The following CREB5 variants were observed in gnomAD, a reference collection of about 807,000 sequenced individuals.
CREB5 encodes the protein cAMP responsive element binding protein 5.
A neutral mutation model predicts 57.1 loss-of-function variants in CREB5; 19 were observed. The observed-to-expected ratio is 0.33, with a 90% confidence interval of 0.23 to 0.49. The LOEUF is 0.49. CREB5 is among the 20% of genes least tolerant of loss of function. The pLI, the probability that CREB5 is intolerant of heterozygous loss-of-function variation, is 0.99. For missense variants in CREB5, 579 were observed against 671.6 expected (o/e 0.86, Z 1.52); for synonymous variants, 238 against 238.3 (o/e 1.00, Z 0.01).
At chr7:28,342,943 C>T (rs899174576) in intron 1 of CREB5, among the ~76,000 whole-genome samples, 1 of 147,284 alleles carries the variant, frequency 6.8e-6, no homozygotes, top group Non-Finnish European at 1.5e-5. Flanking sequence ...ATATGTAATA[C>T]TTTTTTTTTT....
chr7:28,315,101 T>C (rs1444416931), intron 1 of CREB5, among the ~76,000 whole-genome samples: 1 of 152,148 alleles, frequency 6.6e-6, no homozygotes, highest in Admixed American at 6.5e-5. Flanking sequence ...TCCCAGCCTA[T>C]ACAAGGTATG....
At chr7:28,455,611 G>T (rs1464970960) in intron 1 of CREB5, among the ~76,000 whole-genome samples, 1 of 152,164 alleles carries the variant, frequency 6.6e-6, no homozygotes, top group African/African-American at 2.4e-5. Context: ...CAAAGCTGCA[G>T]AGTGGAGCAC....
At chr7:28,300,562 A>G (rs1785082961) in intron 1 of CREB5, among the ~76,000 whole-genome samples, 1 of 152,190 alleles carries the variant, frequency 6.6e-6, no homozygotes, top group African/African-American at 2.4e-5. Flanking sequence ...AGGAGTTTTC[A>G]TACTAGCAGT....
At chr7:28,556,426 G>A (rs1794881007) in intron 4 of CREB5, among the ~76,000 whole-genome samples, 1 of 152,128 alleles carries the variant, frequency 6.6e-6, no homozygotes, top group Non-Finnish European at 1.5e-5. Flanking sequence ...GGCACACCAT[G>A]GGATGGGTGC....
At chr7:28,705,946 A>G (rs1445134203) in intron 5 of CREB5, among the ~76,000 whole-genome samples, 2 of 152,232 alleles carry the variant, frequency 1.3e-5, no homozygotes, top group Admixed American at 6.5e-5. Context: ...TTGTACTTAT[A>G]AATACCCTGA....
At chr7:28,343,108 T>G (rs527238964) in intron 1 of CREB5, among the ~76,000 whole-genome samples, 1 of 152,164 alleles carries the variant, frequency 6.6e-6, no homozygotes, top group African/African-American at 2.4e-5. Flanking sequence ...GCCCAGCTAA[T>G]TTTTTATATT....
intron 5 of CREB5, chr7:28,615,013 C>T (rs766101497): frequency 6.6e-6 from 1 of 152,214 alleles, no homozygotes; most frequent in South Asian, 2.1e-4. Context: ...AAACACCCTT[C>T]GAATTTCCTT....
chr7:28,647,925 T>C (rs1001056039), intron 5 of CREB5, among the ~76,000 whole-genome samples: 1 of 151,854 alleles, frequency 6.6e-6, no homozygotes, highest in African/African-American at 2.4e-5. Flanking sequence ...CTACAAAAAA[T>C]AAAAATAAGA....
intron 1 of CREB5, among the ~76,000 whole-genome samples, chr7:28,351,164 C>A (rs1434805186): frequency 2.6e-5 from 4 of 152,152 alleles, no homozygotes; most frequent in Non-Finnish European, 4.4e-5. Context: ...AGAGCTGAAC[C>A]TATGGAAGAG....
At chr7:28,378,268 T>A (rs1358550171) in intron 1 of CREB5, among the ~76,000 whole-genome samples, 1 of 150,488 alleles carries the variant, frequency 6.6e-6, no homozygotes, top group African/African-American at 2.4e-5. Flanking sequence ...TAGATTGTAT[T>A]GCGGCTACAG....
chr7:28,416,932 A>G (rs1015236791), intron 1 of CREB5, among the ~76,000 whole-genome samples: 3 of 151,744 alleles, frequency 2.0e-5, no homozygotes, highest in African/African-American at 7.2e-5. Flanking sequence ...AGATTTTTAT[A>G]TCAAATCTTA....
intron 7 of CREB5, among the ~76,000 whole-genome samples, chr7:28,748,505 C>T (rs539921420): frequency 8.1e-4 from 124 of 152,262 alleles, no homozygotes; most frequent in African/African-American, 2.7e-3. Context: ...CCAAGGACGA[C>T]GAATTACTAG....
At chr7:28,611,816 G>A (rs1278442059) in intron 5 of CREB5, among the ~76,000 whole-genome samples, 1 of 152,062 alleles carries the variant, frequency 6.6e-6, no homozygotes, top group African/African-American at 2.4e-5. Context: ...TGGTTGCAGT[G>A]GTTGTTACAT....
chr7:28,369,712 C>T lies in CREB5; in HGVS notation c.-25+70271C>T, dbSNP rs548579531. On this transcript the variant is annotated intron_variant, in intron 1 of 9. Transcript: ENST00000396299. The stretch of plus-strand genomic sequence containing the variant: ...GTGATAAAATCCTGTTCGCTTGCCT[C>T]AAGGCAGGGCAGACCCTGGGGAGTC... Among the ~76,000 whole-genome samples, 4 of 152,304 alleles carry T rather than the reference C, an allele frequency of 2.6e-5. No homozygotes were observed. The East Asian group carries it at 7.7e-4, about 29-fold the overall frequency.
At chr7:28,643,496 C>T (rs79674218) in intron 5 of CREB5, among the ~76,000 whole-genome samples, 3,240 of 152,234 alleles carry the variant, frequency 0.021, 122 homozygotes, top group African/African-American at 0.072. Context: ...CCACCTTACA[C>T]AGATAGATAC....
At chr7:28,342,123 G>T (rs1785948198) in intron 1 of CREB5, among the ~76,000 whole-genome samples, 1 of 152,222 alleles carries the variant, frequency 6.6e-6, no homozygotes, top group African/African-American at 2.4e-5. Flanking sequence ...TGGAAGCAGA[G>T]AATGTCCTGT....
chr7:28,766,711 G>A (rs1806012560), intron 7 of CREB5, among the ~76,000 whole-genome samples: 2 of 152,160 alleles, frequency 1.3e-5, no homozygotes, highest in Non-Finnish European at 2.9e-5. Context: ...AAACCAGAAT[G>A]GCCCTTGTGG....
At chr7:28,381,714 C>A (rs1346600755) in intron 1 of CREB5, among the ~76,000 whole-genome samples, 1 of 152,110 alleles carries the variant, frequency 6.6e-6, no homozygotes, top group Non-Finnish European at 1.5e-5. Context: ...TGGAATTTTT[C>A]TTAACCCAGC....
chr7:28,790,484 AAG>A (rs1807630314), intron 7 of CREB5, among the ~76,000 whole-genome samples: 1 of 150,386 alleles, frequency 6.6e-6, no homozygotes, highest in Non-Finnish European at 1.5e-5. Flanking sequence ...GAAAGAAAGA[AAG>A]AAAGAGAAGG....
Sources: allele counts gnomAD v4.1 joint callset (sites outside exome capture counted in the v4.1 genomes callset), GRCh38; gene constraint gnomAD v4.1.1; transcripts MANE v1.5; gene names NCBI Gene and HGNC (gene_info 2026-07-23, HGNC 2026-07-21).